Variants in NPEPPS observed in about 807,000 individuals in gnomAD.
NPEPPS encodes aminopeptidase puromycin sensitive.
A neutral mutation model predicts 115.5 loss-of-function variants in NPEPPS; 14 were observed. The ratio of observed to expected loss-of-function variants is 0.12; its 90% CI spans 0.08 to 0.19. NPEPPS has a LOEUF of 0.19. NPEPPS is among the 10% of genes least tolerant of loss of function. The probability of loss-of-function intolerance (pLI) is 1.00; values close to 1 mark genes in which losing one functional copy is unlikely to be tolerated. For missense variants in NPEPPS, 523 were observed against 1,110.8 expected (o/e 0.47, Z 7.52); for synonymous variants, 285 against 390.6 (o/e 0.73, Z 3.19).
intron 1 of NPEPPS, among the ~76,000 whole-genome samples, chr17:47,544,711 C>CT (rs938067387): frequency 0.37 from 42,714 of 114,212 alleles, 8,948 homozygotes; most frequent in South Asian, 0.45. Flanking sequence ...TTTTTGTATT[C>CT]TTTTTTTTTT....
intron 12 of NPEPPS, chr17:47,595,981 CAAA>C (rs34457526): frequency 1.4e-3 from 54 of 38,634 alleles, no homozygotes; most frequent in Middle Eastern, 0.015. Context: ...GACTCCATCT[CAAA>C]AAAAAAAAAA....
intron 3 of NPEPPS, among the ~76,000 whole-genome samples, chr17:47,576,759 A>G (rs1377237294): frequency 6.6e-6 from 1 of 152,214 alleles, no homozygotes; most frequent in Non-Finnish European, 1.5e-5. Context: ...CCAAACATAA[A>G]TATTTCATAC....
At chr17:47,595,365 C>CT (rs1912798987) in intron 12 of NPEPPS, among the ~76,000 whole-genome samples, 1 of 152,200 alleles carries the variant, frequency 6.6e-6, no homozygotes, top group Admixed American at 6.5e-5. Flanking sequence ...TGCGTCCAGC[C>CT]TGGATATTTT....
chr17:47,584,402 C>T (rs1280863025), intron 5 of NPEPPS, among the ~76,000 whole-genome samples: 2 of 152,130 alleles, frequency 1.3e-5, no homozygotes, highest in Non-Finnish European at 2.9e-5. Context: ...ACAGGGTAAG[C>T]ATTCCCCACT....
intron 2 of NPEPPS, among the ~76,000 whole-genome samples, chr17:47,564,884 C>T (rs908222571): frequency 1.6e-4 from 24 of 151,806 alleles, no homozygotes; most frequent in East Asian, 3.9e-4. Context: ...TTATCCCTAG[C>T]CATGTCTCTA....
rs1344813666 is a variant in NPEPPS at position 47,612,585 on chromosome 17, G to A, written c.2221G>A (p.Ala741Thr). ...DHVEGKQILS[A>T]DLRSPVYLTV... Reference sequence around the variant, plus strand: ...CGTGGAAGGAAAACAGATTCTCTCCGCTGATCTGAGGAGTCCTGTAGGTTT... The same window carrying A: ...CGTGGAAGGAAAACAGATTCTCTCCACTGATCTGAGGAGTCCTGTAGGTTT... The change falls in exon 18 of 23, where the codon GCT becomes ACT. Residue 741 changes from alanine to threonine, a missense_variant. Ala to Thr is a moderately conservative substitution (Grantham distance 58). Transcript: ENST00000322157. 5 of 1,613,664 alleles carry A rather than the reference G, an allele frequency of 3.1e-6. No homozygotes were observed. The highest frequency in any genetic ancestry group is 2.2e-5 in the East Asian group (1 of 44,882).
chr17:47,523,553 T>TG (rs1323244621), intron 1 of NPEPPS, among the ~76,000 whole-genome samples: 2 of 151,984 alleles, frequency 1.3e-5, no homozygotes, highest in East Asian at 3.9e-4. Flanking sequence ...CCCAAGTAGC[T>TG]GTGATTACAG....
intron 1 of NPEPPS, among the ~76,000 whole-genome samples, chr17:47,533,617 A>T (rs1280163179): frequency 6.6e-6 from 1 of 152,194 alleles, no homozygotes; most frequent in Non-Finnish European, 1.5e-5. Flanking sequence ...TTTTTAAATG[A>T]TTACTTATTA....
intron 1 of NPEPPS, among the ~76,000 whole-genome samples, chr17:47,524,235 G>A (rs1198188287): frequency 2.0e-5 from 3 of 151,776 alleles, no homozygotes; most frequent in African/African-American, 7.3e-5. Flanking sequence ...TGAACCCCCG[G>A]GAGGCGGAGG....
chr17:47,585,850 A>G, intron 6 of NPEPPS, 150 bp downstream of exon 6: 1 of 689,360 alleles, frequency 1.5e-6, no homozygotes, highest in South Asian at 2.0e-5. Context: ...GGAAATGCCA[A>G]CCTTGGTGTT....
chr17:47,539,529 G>T (rs201108659), intron 1 of NPEPPS, among the ~76,000 whole-genome samples: 2 of 37,328 alleles, frequency 5.4e-5, no homozygotes, highest in African/African-American at 7.0e-5. Context: ...TGCTTTTTTT[G>T]GGGGGGGAAT....
intron 12 of NPEPPS, among the ~76,000 whole-genome samples, chr17:47,595,185 C>T (rs1307686140): frequency 6.6e-6 from 1 of 152,186 alleles, no homozygotes; most frequent in Non-Finnish European, 1.5e-5. Flanking sequence ...CCCACCTCGG[C>T]CTCCCAAAGT....
rs1223136200 is a variant in NPEPPS, at chr17:47,575,850, C to T, written c.419-3540C>T. Among the ~76,000 whole-genome samples the T allele has an allele frequency of 5.3e-5, 8 of 151,886 alleles. No homozygotes were observed. In the East Asian group the frequency reaches 7.7e-4, roughly 15 times the overall value. ...GTCTTGATCTCCTGACCTCGTGATC[C>T]GCCCACCTCGGCCTCCCAAAGTGCT... is the stretch of plus-strand genomic sequence containing the variant. On this transcript the variant is annotated intron_variant, in intron 3 of 22. Transcript: ENST00000322157.
intron 1 of NPEPPS, among the ~76,000 whole-genome samples, chr17:47,534,491 A>G (rs573582059): frequency 1.8e-4 from 27 of 152,224 alleles, no homozygotes; most frequent in Non-Finnish European, 3.1e-4. Flanking sequence ...TTTAGTTACA[A>G]AATTTTACGA....
chr17:47,608,009 GT>G (rs572654459), intron 17 of NPEPPS, among the ~76,000 whole-genome samples: 366 of 144,380 alleles, frequency 2.5e-3, no homozygotes, highest in Non-Finnish European at 4.5e-3. Flanking sequence ...ACCCAGCTAT[GT>G]TTTTTTTTTT....
intron 2 of NPEPPS, among the ~76,000 whole-genome samples, chr17:47,554,480 G>C (rs549227280): frequency 6.6e-6 from 1 of 152,232 alleles, no homozygotes; most frequent in African/African-American, 2.4e-5. Context: ...TCCTGCTTCA[G>C]CCTCCCAGTT....
chr17:47,532,121 C>T (rs1567831501), intron 1 of NPEPPS, among the ~76,000 whole-genome samples: 2 of 151,960 alleles, frequency 1.3e-5, no homozygotes, highest in East Asian at 1.9e-4. Flanking sequence ...AATGTTAATC[C>T]CAGGCAGCCT....
At chr17:47,620,753 C>T (rs1914517276) in intron 22 of NPEPPS, among the ~76,000 whole-genome samples, 1 of 152,166 alleles carries the variant, frequency 6.6e-6, no homozygotes, top group Non-Finnish European at 1.5e-5. Context: ...GTGACTAATT[C>T]AAAGGAAAAG....
chr17:47,543,467 A>G (rs1350505354), intron 1 of NPEPPS, among the ~76,000 whole-genome samples: 1 of 146,944 alleles, frequency 6.8e-6, no homozygotes, highest in East Asian at 2.0e-4. Flanking sequence ...ACAGGCGCGC[A>G]CCACAGGCCT....
Sources: allele counts gnomAD v4.1 joint callset (sites outside exome capture counted in the v4.1 genomes callset), GRCh38; gene constraint gnomAD v4.1.1; transcripts MANE v1.5; gene names NCBI Gene and HGNC (gene_info 2026-07-23, HGNC 2026-07-21).